The following RERE variants were observed in gnomAD, a reference collection of about 807,000 sequenced individuals.
RERE encodes arginine-glutamic acid dipeptide repeats protein.
In RERE, 40 loss-of-function variants were observed where a neutral mutation model predicts 146.1. That is an observed-to-expected ratio of 0.27 (90% confidence interval 0.21 to 0.36). The LOEUF (loss-of-function observed/expected upper bound fraction) is 0.36, where lower values mean the gene tolerates loss of function less well. Among genes scored for constraint, RERE ranks in the 10% least tolerant of loss-of-function variants. RERE has a pLI of 1.00. For missense variants in RERE, 1,933 were observed against 2,138.7 expected, an observed-to-expected ratio of 0.90 and a Z score of 1.90; for synonymous variants, 1,003 against 866.0, an observed-to-expected ratio of 1.16 and a Z score of -2.78.
At chr1:8,384,308 G>A (rs1335459438) in intron 12 of RERE, among the ~76,000 whole-genome samples, 1 of 152,116 alleles carries the variant, frequency 6.6e-6, no homozygotes, top group Non-Finnish European at 1.5e-5. Flanking sequence ...GTTTTTTCTT[G>A]TGGGATACAA....
At chr1:8,487,563 C>T (rs545065132) in intron 10 of RERE, among the ~76,000 whole-genome samples, 2 of 152,164 alleles carry the variant, frequency 1.3e-5, no homozygotes, top group African/African-American at 4.8e-5. Flanking sequence ...GGGCAATAGA[C>T]CCTTTCTCAA....
intron 17 of RERE, 102 bp from the exon 18 acceptor site, chr1:8,361,592 C>T (rs1557588212): frequency 5.1e-5 from 76 of 1,503,596 alleles, no homozygotes; most frequent in Non-Finnish European, 6.8e-5. Context: ...GCAGATGAAG[C>T]AGCAAGCTTG....
At chr1:8,582,509 A>G (rs1646379524) in intron 4 of RERE, among the ~76,000 whole-genome samples, 1 of 150,686 alleles carries the variant, frequency 6.6e-6, no homozygotes, top group Admixed American at 6.6e-5. Flanking sequence ...TACTGGGATT[A>G]CAGGCATGCT....
At position 8,365,820 on chromosome 1, in the gene RERE, C is replaced by G. The variant is rs768879322; in HGVS notation, c.1439G>C (p.Ser480Thr). The G allele has an allele frequency of 1.9e-6, 3 of 1,614,012 alleles. No homozygotes were observed. Residue 480 changes from serine to threonine, a missense_variant, in exon 13 of 23, where the codon AGT (serine) becomes ACT (threonine). Around this residue, in one of 11 missense-constraint regions of RERE, gnomAD observed 260 missense variants for 378.4 expected, o/e 0.69. Transcript: ENST00000400908. ...PVNTPSRPPSSEFLDLSSASE... is the reference protein window; with the variant it reads ...PVNTPSRPPSTEFLDLSSASE... ...CCAAGACCCCTACTCACAGAATTCA[C>G]TGGACGGGGGTCTGGAGGGTGTGTT...
chr1:8,361,654 C>A, intron 17 of RERE, 109 bp downstream of exon 17: 1 of 1,319,118 alleles, frequency 7.6e-7, no homozygotes, highest in Non-Finnish European at 1.1e-6. Flanking sequence ...AAGGCCACTC[C>A]AGCCCCACCC....
chr1:8,508,524 G>A (rs1350802268), intron 8 of RERE, 103 bp downstream of exon 8: 10 of 887,542 alleles, frequency 1.1e-5, no homozygotes, highest in Non-Finnish European at 1.8e-5. Context: ...AAAAATTCCC[G>A]ATAGCAATAA....
intron 7 of RERE, among the ~76,000 whole-genome samples, chr1:8,539,882 T>C (rs1316529492): frequency 6.6e-6 from 1 of 152,026 alleles, no homozygotes; most frequent in Non-Finnish European, 1.5e-5. Flanking sequence ...CCAAGAGAGC[T>C]GTGGGCAGCT....
intron 2 of RERE, among the ~76,000 whole-genome samples, chr1:8,635,986 TTTTATTTTA>T (rs1647097270): frequency 6.7e-6 from 1 of 150,140 alleles, no homozygotes; most frequent in Non-Finnish European, 1.5e-5. Context: ...TCTTATTTTA[TTTTATTTTA>T]TTTTATTTTT....
chr1:8,501,675 C>T (rs1488636541), intron 8 of RERE, among the ~76,000 whole-genome samples: 2 of 117,786 alleles, frequency 1.7e-5, no homozygotes, highest in African/African-American at 6.5e-5. Flanking sequence ...GGGGGTCAGC[C>T]CCCCGCCCGG....
chr1:8,356,018 G>C lies in RERE; in HGVS notation c.4486+82C>G. 1.5e-6 allele frequency: 2 copies of C among 1,369,984 alleles called. No individual in the cohort carries two copies. Among genetic ancestry groups the C allele is most frequent in the Middle Eastern group, 2.6e-4 (1 of 3,834 alleles). The allele number at this position is 1,369,984 out of a possible 1,614,324, so 84.9% of individuals were successfully genotyped here. A position where few individuals can be genotyped will look rare whatever the true frequency, so the allele number is the denominator to read the frequency against. On this transcript the variant is annotated intron_variant, in intron 21 of 22. Coordinates refer to ENST00000400908, the MANE Select transcript of RERE (RefSeq NM_001042681.2). This position sits in a 1 kb window ranked among gnomAD's most constrained non-coding sequence, Gnocchi z 5.2. ...CTGCTCAATGCATGAATGAATGAATGAGTAATGAATGAAGACAGCAGACCA... is the reference window on the plus strand; with the variant it reads ...CTGCTCAATGCATGAATGAATGAATCAGTAATGAATGAAGACAGCAGACCA...
intron 12 of RERE, among the ~76,000 whole-genome samples, chr1:8,414,491 G>A (rs1161426387): frequency 6.6e-6 from 1 of 152,112 alleles, no homozygotes; most frequent in Non-Finnish European, 1.5e-5. Flanking sequence ...GGGAGGTGGA[G>A]GTTGCGGTGA....
At chr1:8,401,069 A>ATATATATATATATATGTATG (rs761609705) in intron 12 of RERE, among the ~76,000 whole-genome samples, 43 of 85,126 alleles carry the variant, frequency 5.1e-4, no homozygotes, top group Non-Finnish European at 1.0e-3. Context: ...ATATATATAT[A>ATATATATATATATATGTATG]TATGTCACTT....
chr1:8,473,736 C>T lies in RERE; in HGVS notation c.1105-7713G>A, dbSNP rs140633983. 4.1e-3 allele frequency among the ~76,000 whole-genome samples: 630 copies of T among 152,324 alleles called. 3 individuals carry two copies. Among genetic ancestry groups the T allele is most frequent in the Non-Finnish European group, 6.7e-3 (453 of 68,032 alleles). On this transcript the variant is annotated intron_variant, in intron 10 of 22. Transcript: ENST00000400908. ...GAACCAGTTGAGTTGAGGTTTTCAT[C>T]TGTTAAATGGGCCTAACACCACCAG...
intron 1 of RERE, among the ~76,000 whole-genome samples, chr1:8,669,908 T>C (rs1465424877): frequency 6.6e-6 from 1 of 152,178 alleles, no homozygotes; most frequent in Non-Finnish European, 1.5e-5. Context: ...TTCACACCTA[T>C]AGAAAAAAAT....
At position 8,358,207 on chromosome 1, in the gene RERE, G is replaced by A. The variant is rs1262914677; in HGVS notation, c.4328C>T (p.Pro1443Leu). The A allele has an allele frequency of 3.8e-6, 6 of 1,592,748 alleles. No individual in the cohort carries two copies. The highest frequency in any genetic ancestry group is 4.3e-6 in the Non-Finnish European group (5 of 1,163,304). ...GCTGGGGCACGCACCTTGGTGGAGG[G>A]GGTCCTGCTGGTGGAGGTGGAGGTG... Reference protein sequence around the residue: ...HSHLHLHQQDPLHQGSAGPVH... With the variant: ...HSHLHLHQQDLLHQGSAGPVH... The change falls in exon 20 of 23, where the codon CCC (proline) becomes CTC (leucine). Residue 1443 changes from proline to leucine, a missense_variant. By Grantham distance (98) the Pro-to-Leu change is moderately conservative. This residue lies in a region of RERE where 133 missense variants were observed against 168.6 expected (regional missense o/e 0.79). Coordinates refer to ENST00000400908, the MANE Select transcript of RERE (RefSeq NM_001042681.2).
At chr1:8,734,148 T>C (rs1235764559) in intron 1 of RERE, among the ~76,000 whole-genome samples, 1 of 152,186 alleles carries the variant, frequency 6.6e-6, no homozygotes, top group African/African-American at 2.4e-5. Context: ...ATAATATAAC[T>C]GTTATTGTTG....
At chr1:8,503,968 G>A (rs1267538584) in intron 8 of RERE, among the ~76,000 whole-genome samples, 1 of 151,850 alleles carries the variant, frequency 6.6e-6, no homozygotes, top group Admixed American at 6.6e-5. Context: ...TTTGAGTCAC[G>A]GGAAAAAAAT....
chr1:8,444,180 C>T (rs1644288603), intron 11 of RERE, among the ~76,000 whole-genome samples: 1 of 152,192 alleles, frequency 6.6e-6, no homozygotes, highest in African/African-American at 2.4e-5. Flanking sequence ...TGCCCAAGAC[C>T]TTGGGAGCCT....
chr1:8,504,300 C>T (rs572112771), intron 8 of RERE, among the ~76,000 whole-genome samples: 1 of 151,924 alleles, frequency 6.6e-6, no homozygotes. Flanking sequence ...TAGAGAAAAA[C>T]GATTAAGTGA....
Sources: gnomAD v4.1 joint callset for allele counts (sites outside exome capture counted in the v4.1 genomes callset) on GRCh38, gnomAD v4.1.1 for gene constraint, gnomAD v4.1.1 regional missense constraint, Gnocchi (gnomAD v3.1) non-coding constraint, MANE v1.5 for transcripts, NCBI Gene and HGNC (gene_info 2026-07-23, HGNC 2026-07-21) for gene names.